The following VAC14 variants were observed in gnomAD, a reference collection of about 807,000 sequenced individuals.
The protein encoded by VAC14 is VAC14 component of PIKFYVE complex.
A neutral mutation model predicts 85.3 loss-of-function variants in VAC14; 47 were observed. The ratio of observed to expected loss-of-function variants is 0.55; its 90% confidence interval spans 0.44 to 0.70. VAC14 has a LOEUF of 0.70. Ranked by LOEUF, VAC14 falls within the 30% of genes least tolerant of loss-of-function variation. The pLI, the probability that VAC14 is intolerant of heterozygous loss-of-function variation, is 0.00. For missense variants in VAC14, 861 were observed against 1,004.3 expected (o/e 0.86, Z 1.93); for synonymous variants, 447 against 430.5 (o/e 1.04, Z -0.47).
chr16:70,781,631 C>T (rs2033814641), intron 8 of VAC14, among the ~76,000 whole-genome samples: 1 of 152,086 alleles, frequency 6.6e-6, no homozygotes, highest in Admixed American at 6.5e-5. Flanking sequence ...ACTTTGGGGC[C>T]CCAGAGAGCT....
intron 9 of VAC14, among the ~76,000 whole-genome samples, chr16:70,778,139 G>A (rs1189246709): frequency 6.6e-6 from 1 of 152,214 alleles, no homozygotes; most frequent in Non-Finnish European, 1.5e-5. Flanking sequence ...ATCCTGGTTA[G>A]GGTAATACTC....
intron 18 of VAC14, 152 bp from the exon 19 acceptor site, chr16:70,688,242 G>T: frequency 7.8e-7 from 1 of 1,276,580 alleles, no homozygotes; most frequent in Non-Finnish European, 9.9e-7. Context: ...CGTCATGGCG[G>T]GCCCCAGAGC....
rs774492446 is a variant in VAC14, at chr16:70,692,840, G to C, written c.2167C>G (p.Pro723Ala). 1 of 1,601,500 alleles carries C rather than the reference G, an allele frequency of 6.2e-7. No homozygotes were observed. The highest frequency in any genetic ancestry group is 1.3e-5 in the African/African-American group (1 of 74,890). The change falls in exon 18 of 19, where the codon CCT becomes GCT. Residue 723 changes from proline to alanine, a missense_variant. This residue lies in a region of VAC14 where 163 missense variants were observed against 162.2 expected (regional missense o/e 1.00). Coordinates refer to ENST00000261776, the MANE Select transcript of VAC14 (RefSeq NM_018052.5). ...ACTCACTCGGTCTGCAGCAGCTCAG[G>C]GTTGGGCACGCACTGGAGCCGGTGC... is the stretch of plus-strand genomic sequence containing the variant. ...LSHRLQCVPN[P>A]ELLQTEDSLK...
chr16:70,719,259 C>T lies in VAC14; in HGVS notation c.1661+12236G>A, dbSNP rs117290990. Among the ~76,000 whole-genome samples the T allele has an allele frequency of 3.1e-3, 472 of 152,274 alleles. 6 individuals are homozygous for T. In the East Asian group the frequency reaches 0.036, roughly 12 times the overall value. ...GCTCAGCATCCGCTTACTGGGAATG[C>T]GGAACAATCATCACTCAGAAACAGG... On this transcript the variant is annotated intron_variant, in intron 14 of 18. Coordinates refer to ENST00000261776, the MANE Select transcript of VAC14 (RefSeq NM_018052.5).
intron 12 of VAC14, among the ~76,000 whole-genome samples, chr16:70,761,749 T>C (rs2032402689): frequency 1.3e-5 from 2 of 152,292 alleles, no homozygotes; most frequent in Admixed American, 1.3e-4. Flanking sequence ...CCAGCAGCTC[T>C]TGGTGGCCCC....
intron 14 of VAC14, chr16:70,731,165 G>A (rs536414312): frequency 2.4e-5 from 14 of 572,462 alleles, no homozygotes; most frequent in African/African-American, 2.4e-4. Flanking sequence ...CATGTCCCAC[G>A]CCATCTGGCT....
At chr16:70,798,051 T>G (rs2034620773) in intron 1 of VAC14, among the ~76,000 whole-genome samples, 1 of 152,212 alleles carries the variant, frequency 6.6e-6, no homozygotes, top group African/African-American at 2.4e-5. Flanking sequence ...CTTTACAACA[T>G]TAGCTCAAAC....
rs1443744096 is a variant in VAC14, at chr16:70,762,788, G to T, written c.1305+93C>A. ...TGCCGGCCAGGGTTTCCCTAGAAGG[G>T]CAATGACCAAAATGCTACCAACTAT... is the stretch of plus-strand genomic sequence containing the variant. On this transcript the variant is annotated intron_variant, in intron 11 of 18. Coordinates refer to ENST00000261776, the MANE Select transcript of VAC14 (RefSeq NM_018052.5). This position sits in a 1 kb window ranked among gnomAD's most constrained non-coding sequence, Gnocchi z 4.1. 1 of 1,584,880 alleles carries T rather than the reference G, an allele frequency of 6.3e-7. No homozygotes were observed. Among genetic ancestry groups the T allele is most frequent in the Admixed American group, 1.7e-5 (1 of 57,754 alleles).
chr16:70,696,848 C>A (rs750800712), intron 16 of VAC14: 162 of 360,386 alleles, frequency 4.5e-4, no homozygotes, highest in Non-Finnish European at 7.7e-4. Flanking sequence ...TCCAGCATCA[C>A]CCGCTGGCAC....
chr16:70,722,266 C>T (rs2054313037), intron 14 of VAC14, among the ~76,000 whole-genome samples: 1 of 152,244 alleles, frequency 6.6e-6, no homozygotes, highest in African/African-American at 2.4e-5. Flanking sequence ...TCCCCGGGCA[C>T]TGCATGCTCC....
At chr16:70,700,168 C>T (rs1450223741) in intron 14 of VAC14, 2 of 152,234 alleles carry the variant, frequency 1.3e-5, no homozygotes, top group East Asian at 1.9e-4. Context: ...CCTCCCCACC[C>T]CCAGCCCCAA....
At position 70,801,103 on chromosome 16, in the gene VAC14, C is replaced by G; in HGVS notation, c.-203G>C. Reference sequence around the variant, plus strand: ...AGCACACCTGACCCTGGCCGCTTAACAACTCCCGCCCGGCACTAGCGGGAC... The same window carrying G: ...AGCACACCTGACCCTGGCCGCTTAAGAACTCCCGCCCGGCACTAGCGGGAC... On this transcript the variant is annotated 5_prime_UTR_variant, in exon 1 of 19. Coordinates refer to ENST00000261776, the MANE Select transcript of VAC14 (RefSeq NM_018052.5). The G allele has an allele frequency of 2.2e-6, 1 of 444,510 alleles. No individual in the cohort carries two copies. The highest frequency in any genetic ancestry group is 4.5e-5 in the Admixed American group (1 of 22,456). 27.5% of individuals were successfully genotyped at this position (444,510 alleles called of 1,614,324 possible).
At chr16:70,753,011 G>GGTGTGTGT (rs372860764) in intron 12 of VAC14, among the ~76,000 whole-genome samples, 4,317 of 143,034 alleles carry the variant, frequency 0.03, 85 homozygotes, top group Non-Finnish European at 0.047. Flanking sequence ...AGGAGGAGGG[G>GGTGTGTGT]GTGTGTGTGT....
intron 14 of VAC14, among the ~76,000 whole-genome samples, chr16:70,712,108 C>T (rs2054047934): frequency 6.6e-6 from 1 of 152,052 alleles, no homozygotes; most frequent in Admixed American, 6.5e-5. Flanking sequence ...GAAAAAATTC[C>T]TTTTGTGATC....
chr16:70,710,313 G>A (rs2054004492), intron 14 of VAC14, among the ~76,000 whole-genome samples: 1 of 152,244 alleles, frequency 6.6e-6, no homozygotes, highest in African/African-American at 2.4e-5. Context: ...TGTATGCCCA[G>A]GGCAGAGACA....
At chr16:70,711,584 T>C (rs2054035692) in intron 14 of VAC14, among the ~76,000 whole-genome samples, 1 of 152,056 alleles carries the variant, frequency 6.6e-6, no homozygotes, top group Non-Finnish European at 1.5e-5. Flanking sequence ...GACCTGTGCT[T>C]GGACTCTCCC....
At chr16:70,711,808 A>C (rs908335823) in intron 14 of VAC14, among the ~76,000 whole-genome samples, 4 of 152,220 alleles carry the variant, frequency 2.6e-5, no homozygotes, top group African/African-American at 9.6e-5. Context: ...TCTAGGCTTT[A>C]TAAGTGCCCA....
At chr16:70,797,514 T>C (rs2034594747) in intron 1 of VAC14, among the ~76,000 whole-genome samples, 4 of 152,232 alleles carry the variant, frequency 2.6e-5, no homozygotes, top group Non-Finnish European at 5.9e-5. Flanking sequence ...AACTATGTGA[T>C]ATACGTATGT....
chr16:70,783,678 G>C (rs75726903), intron 5 of VAC14, 124 bp from the exon 6 acceptor site: 3 of 901,690 alleles, frequency 3.3e-6, no homozygotes, highest in Non-Finnish European at 5.2e-6. Flanking sequence ...TGCAGTGCAG[G>C]TGTCCCATGT....
Sources: gnomAD v4.1 joint callset for allele counts (sites outside exome capture counted in the v4.1 genomes callset) on GRCh38, gnomAD v4.1.1 for gene constraint, gnomAD v4.1.1 regional missense constraint, Gnocchi (gnomAD v3.1) non-coding constraint, MANE v1.5 for transcripts, NCBI Gene and HGNC (gene_info 2026-07-23, HGNC 2026-07-21) for gene names.